Variants in FBXO11 observed in about 807,000 individuals in gnomAD.
The protein encoded by FBXO11 is F-box protein 11.
In FBXO11, 13 loss-of-function variants were observed where a neutral mutation model predicts 117.0. The observed-to-expected ratio is 0.11, with a 90% CI of 0.07 to 0.18. FBXO11 has a LOEUF of 0.18. FBXO11 is among the 10% of genes least tolerant of loss of function. The pLI is 1.00. For synonymous variants in FBXO11, 490 were observed against 380.5 expected, an observed-to-expected ratio of 1.29 and a Z score of -3.35; for missense variants, 767 against 1,164.4, an observed-to-expected ratio of 0.66 and a Z score of 4.97.
intron 1 of FBXO11, among the ~76,000 whole-genome samples, chr2:47,900,571 C>T (rs550781772): frequency 6.1e-5 from 9 of 148,020 alleles, no homozygotes; most frequent in African/African-American, 1.5e-4. Flanking sequence ...TATATACACA[C>T]GTATACACAC....
intron 1 of FBXO11, among the ~76,000 whole-genome samples, chr2:47,902,083 G>C (rs964721051): frequency 6.6e-6 from 1 of 152,202 alleles, no homozygotes; most frequent in Non-Finnish European, 1.5e-5. Flanking sequence ...TTACAGGCGT[G>C]AGCCGCCATG....
intron 1 of FBXO11, among the ~76,000 whole-genome samples, chr2:47,868,415 G>A (rs1675362668): frequency 6.6e-6 from 1 of 151,594 alleles, no homozygotes. Context: ...AACATTCACT[G>A]TCATGAATGC....
chr2:47,891,648 T>G (rs1677266960), intron 1 of FBXO11, among the ~76,000 whole-genome samples: 1 of 152,232 alleles, frequency 6.6e-6, no homozygotes, highest in African/African-American at 2.4e-5. Flanking sequence ...GAAGAAGAAT[T>G]GCTGGATCAT....
intron 1 of FBXO11, among the ~76,000 whole-genome samples, chr2:47,900,673 T>TACACACGTATAC (rs370814109): frequency 5.6e-5 from 2 of 35,788 alleles, no homozygotes; most frequent in Non-Finnish European, 1.0e-4. Context: ...CGTACGTATA[T>TACACACGTATAC]ACACACGTAT....
At chr2:47,879,719 A>G (rs190777598) in intron 1 of FBXO11, among the ~76,000 whole-genome samples, 14 of 152,330 alleles carry the variant, frequency 9.2e-5, no homozygotes, top group East Asian at 7.7e-4. Flanking sequence ...TTGGCTGCAA[A>G]TAAGTTTTAC....
chr2:47,866,694 G>A (rs1422397510), intron 1 of FBXO11, among the ~76,000 whole-genome samples: 1 of 151,960 alleles, frequency 6.6e-6, no homozygotes, highest in African/African-American at 2.4e-5. Flanking sequence ...GGATGGTCTC[G>A]ATCTCCTGAC....
intron 11 of FBXO11, among the ~76,000 whole-genome samples, chr2:47,823,873 G>T (rs545714342): frequency 6.6e-6 from 1 of 151,512 alleles, no homozygotes; most frequent in Non-Finnish European, 1.5e-5. Context: ...AACAGACAAG[G>T]TCTCACTCTG....
chr2:47,813,525 G>A (rs952247932), intron 17 of FBXO11, 148 bp from the exon 18 acceptor site: 77 of 580,324 alleles, frequency 1.3e-4, no homozygotes, highest in Admixed American at 2.0e-4. Flanking sequence ...TCCACCTCCC[G>A]GGTTCAAGTG....
intron 1 of FBXO11, among the ~76,000 whole-genome samples, chr2:47,846,732 CTGAA>C (rs1379996723): frequency 1.8e-4 from 27 of 150,692 alleles, no homozygotes; most frequent in Non-Finnish European, 3.0e-4. Flanking sequence ...CATATTAAAT[CTGAA>C]ATATATCATT....
At chr2:47,904,357 T>A (rs1367167461) in intron 1 of FBXO11, among the ~76,000 whole-genome samples, 1 of 152,166 alleles carries the variant, frequency 6.6e-6, no homozygotes, top group Non-Finnish European at 1.5e-5. Flanking sequence ...ATAAAGAGAA[T>A]GGTTATGTTT....
At chr2:47,824,148 C>G (rs966245590) in intron 11 of FBXO11, among the ~76,000 whole-genome samples, 1 of 152,156 alleles carries the variant, frequency 6.6e-6, no homozygotes, top group Non-Finnish European at 1.5e-5. Flanking sequence ...TATCCTTCAA[C>G]AAAAGGTTAA....
At chr2:47,818,724 A>AC in intron 16 of FBXO11, 55 bp downstream of exon 16, 3 of 1,229,522 alleles carry the variant, frequency 2.4e-6, no homozygotes, top group Admixed American at 4.8e-5. Context: ...TCTTTTACAC[A>AC]CCCCACATAC....
At chr2:47,866,972 C>A (rs1675247550) in intron 1 of FBXO11, among the ~76,000 whole-genome samples, 1 of 152,144 alleles carries the variant, frequency 6.6e-6, no homozygotes, top group South Asian at 2.1e-4. Context: ...TACTCAAAAA[C>A]AGAGTTGCAA....
rs1271514998 is a variant in FBXO11, at chr2:47,807,916, AACACCC to A, written c.*196_*201del. On this transcript the variant is annotated 3_prime_UTR_variant, in exon 23 of 23. Coordinates refer to ENST00000403359, the MANE Select transcript of FBXO11 (RefSeq NM_001190274.2). ...TCAAGTCTTTACACAGTAATGCTAA[AACACCC>A]AGCTTTGAGATCCTGAGTCAATATA... 7.6e-6 allele frequency: 4 copies of A among 529,260 alleles called. No homozygotes were observed. Among genetic ancestry groups the A allele is most frequent in the Non-Finnish European group, 1.3e-5 (4 of 297,714 alleles). 32.8% of individuals were successfully genotyped at this position (529,260 alleles called of 1,614,324 possible).
rs774050390 is a variant in FBXO11 at position 47,822,316 on chromosome 2, G to C, written c.1617-13C>G. 10 of 1,513,340 alleles carry C rather than the reference G, an allele frequency of 6.6e-6. No homozygotes were observed. The South Asian group carries it at 9.6e-5, about 15-fold the overall frequency. The allele number at this position is 1,513,340 out of a possible 1,614,324, so 93.7% of individuals were successfully genotyped here. ...TATAGAATTTCCCCTATAATTATGC[G>C]AAATAAAAAAAAAGAAGACATCTAT... On this transcript the variant is annotated splice_polypyrimidine_tract_variant and intron_variant, in intron 12 of 22. Coordinates refer to ENST00000403359, the MANE Select transcript of FBXO11 (RefSeq NM_001190274.2).
chr2:47,873,871 C>A (rs1281491836), intron 1 of FBXO11, among the ~76,000 whole-genome samples: 1 of 152,112 alleles, frequency 6.6e-6, no homozygotes, highest in Non-Finnish European at 1.5e-5. Context: ...ATCTGTGTTC[C>A]TCTGCTTTGA....
intron 1 of FBXO11, among the ~76,000 whole-genome samples, chr2:47,866,777 T>C (rs930016525): frequency 1.3e-5 from 2 of 152,200 alleles, no homozygotes; most frequent in African/African-American, 4.8e-5. Context: ...CGGCCTATGC[T>C]AGCAAGTTTT....
chr2:47,822,085 C>A, intron 13 of FBXO11, 133 bp downstream of exon 13: 1 of 664,128 alleles, frequency 1.5e-6, no homozygotes, highest in South Asian at 1.8e-5. Flanking sequence ...GACCTCATTT[C>A]TTTAAAAAAG....
rs770922020 is a variant in FBXO11, at chr2:47,905,535, C to A, written c.186G>T (p.Pro62=). ...QQQQQPPPPP[P]PPPPLPQERN... ...GCTCCTGAGGCAGCGGCGGAGGCGG[C>A]GGTGGCGGCGGCGGAGGCTGCTGCT... The change falls in exon 1 of 23, where the codon CCG becomes CCT. Residue 62 remains proline, a synonymous_variant. Transcript: ENST00000403359. 1.3e-5 allele frequency: 16 copies of A among 1,236,170 alleles called. No individual in the cohort carries two copies. The highest frequency in any genetic ancestry group is 1.6e-5 in the Non-Finnish European group (16 of 992,482). 76.6% of individuals were successfully genotyped at this position (1,236,170 alleles called of 1,614,324 possible).
Sources: allele counts gnomAD v4.1 joint callset (sites outside exome capture counted in the v4.1 genomes callset), GRCh38; gene constraint gnomAD v4.1.1; transcripts MANE v1.5; gene names NCBI Gene and HGNC (gene_info 2026-07-23, HGNC 2026-07-21).